PTGER3: variants seen among roughly 807,000 people sequenced by gnomAD.
PTGER3 encodes prostaglandin E receptor 3, also known as prostaglandin E2 receptor EP3 subtype.
PTGER3 carries 22 observed loss-of-function variants against 34.7 expected under a neutral mutation model. The observed-to-expected ratio is 0.63, with a 90% CI of 0.45 to 0.91. The LOEUF (loss-of-function observed/expected upper bound fraction) is 0.91. Among genes scored for constraint, PTGER3 ranks in the 40% least tolerant of loss-of-function variants. PTGER3 has a pLI of 0.00. For synonymous variants in PTGER3, 241 were observed against 230.1 expected (o/e 1.05, Z -0.43); for missense variants, 468 against 519.4 (o/e 0.90, Z 0.96).
intron 2 of PTGER3, among the ~76,000 whole-genome samples, chr1:70,987,135 A>ATATGGT (rs1471240866): frequency 4.1e-4 from 63 of 152,260 alleles, no homozygotes; most frequent in African/African-American, 1.5e-3. Flanking sequence ...CCCTAAACAA[A>ATATGGT]TATGGTTATG....
exon 3 of PTGER3, chr1:70,953,776 C>T: frequency 6.9e-7 from 1 of 1,443,234 alleles, no homozygotes; most frequent in Non-Finnish European, 9.3e-7. Flanking sequence ...CTCTCTGAGT[C>T]TTCTTTTTCT....
chr1:70,999,285 G>C (rs1434210468), intron 2 of PTGER3, among the ~76,000 whole-genome samples: 2 of 152,170 alleles, frequency 1.3e-5, no homozygotes, highest in Non-Finnish European at 2.9e-5. Context: ...AGAGTTTGGA[G>C]ACGCTGAGAT....
intron 4 of PTGER3, among the ~76,000 whole-genome samples, chr1:70,929,181 C>T (rs904645749): frequency 9.2e-5 from 14 of 152,166 alleles, no homozygotes; most frequent in African/African-American, 2.2e-4. Flanking sequence ...GCTCTAAAGA[C>T]GAATAAATAC....
intron 2 of PTGER3, among the ~76,000 whole-genome samples, chr1:70,996,426 C>G (rs1337204977): frequency 6.6e-6 from 1 of 151,928 alleles, no homozygotes; most frequent in Non-Finnish European, 1.5e-5. Flanking sequence ...TTATTTTAAA[C>G]TTTAAAATCT....
intron 4 of PTGER3, among the ~76,000 whole-genome samples, chr1:70,924,341 G>T (rs1437348220): frequency 6.6e-6 from 1 of 152,124 alleles, no homozygotes; most frequent in African/African-American, 2.4e-5. Flanking sequence ...ATGGGAGACT[G>T]GAAAGAGAAA....
At chr1:70,986,948 AAG>A (rs1272051279) in intron 2 of PTGER3, among the ~76,000 whole-genome samples, 1 of 152,170 alleles carries the variant, frequency 6.6e-6, no homozygotes. Flanking sequence ...AAACATCTGT[AAG>A]AGTTTTGTTC....
chr1:71,035,798 C>T (rs1331263932), intron 1 of PTGER3, among the ~76,000 whole-genome samples: 3 of 152,206 alleles, frequency 2.0e-5, no homozygotes, highest in African/African-American at 4.8e-5. Flanking sequence ...TCCATCTGGC[C>T]TTCTTTCAGT....
rs1455961485 is a variant in PTGER3, at chr1:71,008,539, T to A, written c.1077+3766A>T. On this transcript the variant is annotated intron_variant, in intron 2 of 3. Transcript: ENST00000306666. ...ACAATACTGAACTGATGTCAGCTTC[T>A]TAACAAATATGTATGTGAGTTTAGG... 7 of 962,364 alleles carry A rather than the reference T, an allele frequency of 7.3e-6. No individual in the cohort carries two copies. The East Asian group carries it at 8.0e-4, about 111-fold the overall frequency. 59.6% of individuals were successfully genotyped at this position (962,364 alleles called of 1,614,324 possible). A position where few individuals can be genotyped will look rare whatever the true frequency, so the allele number is the denominator to read the frequency against.
In PTGER3 at chr1:71,046,725, T is replaced by A; in HGVS notation, c.853A>T (p.Met285Leu). The change falls in exon 1 of 4, where the codon ATG becomes TTG. Residue 285 changes from methionine to leucine, a missense_variant. Coordinates refer to ENST00000306666, the MANE Select transcript of PTGER3 (RefSeq NM_198719.2). ...ACCGACAGCACGCACATGATCCCCA[T>A]AAGCTGAATGGCCGTCTCGGTCGTG... ...RITTETAIQL[M>L]GIMCVLSVCW... The A allele has an allele frequency of 6.2e-7, 1 of 1,608,946 alleles. No homozygotes were observed. The highest frequency in any genetic ancestry group is 8.5e-7 in the Non-Finnish European group (1 of 1,177,552).
At chr1:71,005,652 C>T (rs1310914801) in intron 2 of PTGER3, among the ~76,000 whole-genome samples, 1 of 152,114 alleles carries the variant, frequency 6.6e-6, no homozygotes, top group Non-Finnish European at 1.5e-5. Context: ...AAGAGCAAGC[C>T]TGCAGAAGTG....
intron 2 of PTGER3, among the ~76,000 whole-genome samples, chr1:70,959,825 T>G (rs1651739563): frequency 6.6e-6 from 1 of 152,174 alleles, no homozygotes; most frequent in Non-Finnish European, 1.5e-5. Context: ...CCTCCCTCTA[T>G]GAACCCTCCT....
At chr1:70,985,205 C>T (rs900053882) in intron 2 of PTGER3, among the ~76,000 whole-genome samples, 3 of 152,146 alleles carry the variant, frequency 2.0e-5, no homozygotes, top group Non-Finnish European at 4.4e-5. Flanking sequence ...CAGAAACACA[C>T]AGAGAATGAA....
At chr1:70,875,400 T>C (rs150292967) in intron 4 of PTGER3, among the ~76,000 whole-genome samples, 1 of 152,328 alleles carries the variant, frequency 6.6e-6, no homozygotes, top group East Asian at 1.9e-4. Context: ...TAAAGTGGCA[T>C]GGACAGACTG....
chr1:70,904,967 CTGGGT>C (rs1183611817), intron 4 of PTGER3, among the ~76,000 whole-genome samples: 2 of 152,068 alleles, frequency 1.3e-5, no homozygotes, highest in South Asian at 2.1e-4. Context: ...ACATGGTTTC[CTGGGT>C]TGGGCCTAAG....
intron 1 of PTGER3, among the ~76,000 whole-genome samples, chr1:71,037,679 G>A (rs1659961604): frequency 6.6e-6 from 1 of 152,178 alleles, no homozygotes; most frequent in Admixed American, 6.5e-5. Flanking sequence ...CTGAAAGGAG[G>A]ATTAGAGTCG....
intron 2 of PTGER3, among the ~76,000 whole-genome samples, chr1:70,990,128 C>T (rs555285826): frequency 5.9e-5 from 9 of 151,506 alleles, no homozygotes; most frequent in East Asian, 1.9e-4. Flanking sequence ...CCGAGTTGGG[C>T]GGATCACGAG....
At chr1:70,902,092 A>G (rs990940965) in intron 4 of PTGER3, among the ~76,000 whole-genome samples, 9 of 152,232 alleles carry the variant, frequency 5.9e-5, no homozygotes. Flanking sequence ...TCACAGAAGA[A>G]AACCTTCCTT....
At chr1:71,011,069 A>G in intron 2 of PTGER3, 2 of 985,698 alleles carry the variant, frequency 2.0e-6, no homozygotes, top group Non-Finnish European at 2.4e-6. Context: ...CTACAGGATT[A>G]CTATGTTTGG....
At chr1:70,921,798 C>G (rs1403720531) in intron 4 of PTGER3, among the ~76,000 whole-genome samples, 1 of 152,104 alleles carries the variant, frequency 6.6e-6, no homozygotes, top group Non-Finnish European at 1.5e-5. Flanking sequence ...GGTTTAATTC[C>G]TGGCTTGGAA....
Sources: gnomAD v4.1 joint callset for allele counts (sites outside exome capture counted in the v4.1 genomes callset) on GRCh38, gnomAD v4.1.1 for gene constraint, MANE v1.5 for transcripts, NCBI Gene and HGNC (gene_info 2026-07-23, HGNC 2026-07-21) for gene names.